Variants in AGAP1 observed in about 807,000 individuals in gnomAD.
AGAP1 encodes the protein ArfGAP with GTPase domain, ankyrin repeat and PH domain 1, also known as arf-GAP with GTPase, ANK repeat and PH domain-containing protein 1.
Under a neutral mutation model 105.3 loss-of-function variants are expected in AGAP1, and 29 were observed. The ratio of observed to expected loss-of-function variants is 0.28; its 90% confidence interval spans 0.21 to 0.38. The LOEUF (loss-of-function observed/expected upper bound fraction) is 0.38. Among genes scored for constraint, AGAP1 ranks in the 10% least tolerant of loss-of-function variants. AGAP1 has a pLI of 1.00. For missense variants in AGAP1, 998 were observed against 1,165.1 expected, an observed-to-expected ratio of 0.86 and a Z score of 2.09; for synonymous variants, 509 against 485.9, an observed-to-expected ratio of 1.05 and a Z score of -0.63.
At chr2:235,506,695 G>A (rs1865951) in intron 1 of AGAP1, among the ~76,000 whole-genome samples, 134,965 of 152,212 alleles carry the variant, frequency 0.89, 60,162 homozygotes, top group East Asian at 0.99. Flanking sequence ...AGCCGGGTCT[G>A]TATGGGCAGG....
rs1405840091 is a variant in AGAP1 at position 235,662,389 on chromosome 2, C to T, written c.164-46790C>T. Among the ~76,000 whole-genome samples the T allele has an allele frequency of 6.6e-6, 1 of 152,174 alleles. No homozygotes were observed. Among genetic ancestry groups the T allele is most frequent in the Non-Finnish European group, 1.5e-5 (1 of 68,036 alleles). On this transcript the variant is annotated intron_variant, in intron 1 of 17. Coordinates refer to ENST00000304032, the MANE Select transcript of AGAP1 (RefSeq NM_001037131.3). This position sits in a 1 kb window ranked among gnomAD's most constrained non-coding sequence, Gnocchi z 4.2. Reference sequence around the variant, plus strand: ...ACCAGGTCTCACCTTCAGCCACACTCCTAGGGACAGAGTGCGTCCATGGAG... The same window carrying T: ...ACCAGGTCTCACCTTCAGCCACACTTCTAGGGACAGAGTGCGTCCATGGAG...
rs1345926223 is a variant in AGAP1, at chr2:235,751,203, CCTGGGGATAGGAGGGT to C, written c.673+722_673+737del. Among the ~76,000 whole-genome samples the C allele has an allele frequency of 6.6e-6, 1 of 152,032 alleles. No individual in the cohort carries two copies. The highest frequency in any genetic ancestry group is 1.5e-5 in the Non-Finnish European group (1 of 68,002). On this transcript the variant is annotated intron_variant, in intron 6 of 17. Coordinates refer to ENST00000304032, the MANE Select transcript of AGAP1 (RefSeq NM_001037131.3). The surrounding 1 kb of genome is among the most constrained non-coding windows in gnomAD (Gnocchi z 5.3). Reference sequence around the variant, plus strand: ...GGGTGGGCGGGAGAGGTGGCGTCACCCTGGGGATAGGAGGGTCTGGGGTAAATAAGGACTGATACTT... The same window carrying C: ...GGGTGGGCGGGAGAGGTGGCGTCACCCTGGGGTAAATAAGGACTGATACTT...
Position 235,959,420 on chromosome 2 carries a change from C to T in AGAP1, c.1484-9042C>T, listed in dbSNP as rs2054087835. 6.6e-6 allele frequency among the ~76,000 whole-genome samples: 1 copy of T among 152,258 alleles called. No homozygotes were observed. The highest frequency in any genetic ancestry group is 1.5e-5 in the Non-Finnish European group (1 of 68,028). On this transcript the variant is annotated intron_variant, in intron 12 of 17. Coordinates refer to ENST00000304032, the MANE Select transcript of AGAP1 (RefSeq NM_001037131.3). This position sits in a 1 kb window ranked among gnomAD's most constrained non-coding sequence, Gnocchi z 7.3. ...TATTTTAAACCAGGGGAATGTTAAA[C>T]AACTCCTTGAAAGCGAGCTCTCGAC... is the stretch of plus-strand genomic sequence containing the variant.
At position 235,938,394 on chromosome 2, in the gene AGAP1, G is replaced by A. The variant is rs189978471; in HGVS notation, c.1483+7471G>A. On this transcript the variant is annotated intron_variant, in intron 12 of 17. Coordinates refer to ENST00000304032, the MANE Select transcript of AGAP1 (RefSeq NM_001037131.3). ...GACCGCCTCCAAGAACGCTGGGTGC[G>A]CAGCGTGTCCCCCTGCTGCGCGTAT... 7.0e-4 allele frequency among the ~76,000 whole-genome samples: 106 copies of A among 152,350 alleles called. No homozygotes were observed. In the Middle Eastern group the frequency reaches 0.014, roughly 20 times the overall value.
At position 236,096,004 on chromosome 2, in the gene AGAP1, T is replaced by C. The variant is rs761461237; in HGVS notation, c.2115-24188T>C. 2.6e-5 allele frequency among the ~76,000 whole-genome samples: 4 copies of C among 152,238 alleles called. No individual in the cohort carries two copies. The highest frequency in any genetic ancestry group is 4.8e-5 in the African/African-American group (2 of 41,480). On this transcript the variant is annotated intron_variant, in intron 16 of 17. Coordinates refer to ENST00000304032, the MANE Select transcript of AGAP1 (RefSeq NM_001037131.3). This position sits in a 1 kb window ranked among gnomAD's most constrained non-coding sequence, Gnocchi z 4.4. ...TTTCCCATTAAATTTCCCCAGCTTC[T>C]GTGCCATGCTTCTTTATTGTTTTGG...
At chr2:235,543,604 C>A (rs972438551) in intron 1 of AGAP1, among the ~76,000 whole-genome samples, 1 of 152,192 alleles carries the variant, frequency 6.6e-6, no homozygotes, top group South Asian at 2.1e-4. Context: ...CAGCCTGGAG[C>A]TGTGGCGCAG....
In AGAP1 at chr2:235,530,126, C is replaced by T. The variant is rs147930196; in HGVS notation, c.163+35277C>T. ...TCGTACCTCTGACAGTAAAACTCCC[C>T]GTAGGACTACAAGACGTGGGTCTTG... On this transcript the variant is annotated intron_variant, in intron 1 of 17. Transcript: ENST00000304032. Among the ~76,000 whole-genome samples the T allele has an allele frequency of 1.6e-4, 24 of 152,176 alleles. No individual in the cohort carries two copies. In the East Asian group the frequency reaches 3.1e-3, roughly 20 times the overall value.
In AGAP1 at chr2:235,901,120, C is replaced by T. The variant is rs2051043064; in HGVS notation, c.1156-7618C>T. ...TTTGGTCTGCACCTGTGACTACGTACAAGGCCATTGTTTATTATTCATAAA... is the reference window on the plus strand; with the variant it reads ...TTTGGTCTGCACCTGTGACTACGTATAAGGCCATTGTTTATTATTCATAAA... On this transcript the variant is annotated intron_variant, in intron 10 of 17. Coordinates refer to ENST00000304032, the MANE Select transcript of AGAP1 (RefSeq NM_001037131.3). The surrounding 1 kb of genome is among the most constrained non-coding windows in gnomAD (Gnocchi z 4.3). Among the ~76,000 whole-genome samples the T allele has an allele frequency of 6.6e-6, 1 of 152,310 alleles. No homozygotes were observed. The highest frequency in any genetic ancestry group is 2.1e-4 in the South Asian group (1 of 4,828).
chr2:235,936,074 C>T lies in AGAP1; in HGVS notation c.1483+5151C>T, dbSNP rs2052973946. ...CCTCGCTCCCCCAGCCCTGGACTGT[C>T]AGGTTCTTCTGATAGCTCCACCCCA... On this transcript the variant is annotated intron_variant, in intron 12 of 17. Coordinates refer to ENST00000304032, the MANE Select transcript of AGAP1 (RefSeq NM_001037131.3). The surrounding 1 kb of genome is among the most constrained non-coding windows in gnomAD (Gnocchi z 4.7). Among the ~76,000 whole-genome samples the T allele has an allele frequency of 6.6e-6, 1 of 152,226 alleles. No homozygotes were observed. Among genetic ancestry groups the T allele is most frequent in the African/African-American group, 2.4e-5 (1 of 41,462 alleles).
In AGAP1 at chr2:235,664,525, A is replaced by T. The variant is rs893515564; in HGVS notation, c.164-44654A>T. Among the ~76,000 whole-genome samples the T allele has an allele frequency of 1.3e-5, 2 of 152,158 alleles. No individual in the cohort carries two copies. Among genetic ancestry groups the T allele is most frequent in the African/African-American group, 4.8e-5 (2 of 41,440 alleles). On this transcript the variant is annotated intron_variant, in intron 1 of 17. Coordinates refer to ENST00000304032, the MANE Select transcript of AGAP1 (RefSeq NM_001037131.3). The surrounding 1 kb of genome is among the most constrained non-coding windows in gnomAD (Gnocchi z 5.7). ...GAGCCACCACACTTGGCCTGATTTAATATCTTAAGTCACCTTTGCCTGACA... is the reference window on the plus strand; with the variant it reads ...GAGCCACCACACTTGGCCTGATTTATTATCTTAAGTCACCTTTGCCTGACA...
intron 6 of AGAP1, among the ~76,000 whole-genome samples, chr2:235,765,267 C>CGTGGGG: frequency 1.4e-5 from 1 of 73,778 alleles, no homozygotes; most frequent in South Asian, 4.3e-4. Context: ...TGGGAGCGTC[C>CGTGGGG]GTGGGGGTGG....
chr2:236,086,860 AC>A (rs1046315292), intron 16 of AGAP1, among the ~76,000 whole-genome samples: 1 of 55,472 alleles, frequency 1.8e-5, no homozygotes, highest in East Asian at 6.4e-4. Context: ...CCCCTCCCCC[AC>A]CCCCCTGCCC....
In AGAP1 at chr2:236,049,227, G is replaced by A; in HGVS notation, c.2060G>A (p.Ser687Asn). The change falls in exon 16 of 18, where the codon AGC becomes AAC. Residue 687 changes from serine (S) to asparagine (N), a missense_variant. Around this residue, in one of 3 missense-constraint regions of AGAP1, gnomAD observed 235 missense variants for 270.7 expected, o/e 0.87. Coordinates refer to ENST00000304032, the MANE Select transcript of AGAP1 (RefSeq NM_001037131.3). ...TCCATCGGGAACGAGCTAGCCAACA[G>A]CGTCTGGGAAGAGAGCAGCCAGGGG... ...MSSIGNELAN[S>N]VWEESSQGRT... The A allele has an allele frequency of 5.6e-6, 9 of 1,614,234 alleles. No individual in the cohort carries two copies. Among genetic ancestry groups the A allele is most frequent in the Non-Finnish European group, 7.6e-6 (9 of 1,180,050 alleles).
intron 1 of AGAP1, among the ~76,000 whole-genome samples, chr2:235,677,692 G>T (rs150408784): frequency 6.6e-6 from 1 of 151,658 alleles, no homozygotes. Flanking sequence ...TGCTCTCTGT[G>T]CCTGTCATTG....
chr2:235,870,278 A>G (rs2049374500), intron 9 of AGAP1, among the ~76,000 whole-genome samples: 1 of 152,196 alleles, frequency 6.6e-6, no homozygotes, highest in Non-Finnish European at 1.5e-5. Flanking sequence ...CACGATACGC[A>G]GGGGACAAGT....
chr2:235,919,136 C>T lies in AGAP1; in HGVS notation c.1324+10230C>T, dbSNP rs534142828. ...TCAGCTGTGGGAAAGAGGAGGTGCCCGGAAGAGCCTCTGTGAATTACCCGC... is the reference window on the plus strand; with the variant it reads ...TCAGCTGTGGGAAAGAGGAGGTGCCTGGAAGAGCCTCTGTGAATTACCCGC... On this transcript the variant is annotated intron_variant, in intron 11 of 17. Transcript: ENST00000304032. This position sits in a 1 kb window ranked among gnomAD's most constrained non-coding sequence, Gnocchi z 4.1. Among the ~76,000 whole-genome samples, 46 of 152,138 alleles carry T rather than the reference C, an allele frequency of 3.0e-4. No homozygotes were observed. Among genetic ancestry groups the T allele is most frequent in the African/African-American group, 9.6e-4 (40 of 41,500 alleles).
In AGAP1 at chr2:235,936,028, C is replaced by T. The variant is rs556705932; in HGVS notation, c.1483+5105C>T. Among the ~76,000 whole-genome samples, 2 of 152,314 alleles carry T rather than the reference C, an allele frequency of 1.3e-5. No individual in the cohort carries two copies. The highest frequency in any genetic ancestry group is 4.1e-4 in the South Asian group (2 of 4,824). ...GGCCAGCCTCGTCGGGTGGTCTCAG[C>T]TAATGCTGTTGCCATGGCAGCCTCG... is the stretch of plus-strand genomic sequence containing the variant. On this transcript the variant is annotated intron_variant, in intron 12 of 17. Coordinates refer to ENST00000304032, the MANE Select transcript of AGAP1 (RefSeq NM_001037131.3). The surrounding 1 kb of genome is among the most constrained non-coding windows in gnomAD (Gnocchi z 4.7).
In AGAP1 at chr2:235,930,115, A is replaced by C. The variant is rs956232729; in HGVS notation, c.1325-650A>C. On this transcript the variant is annotated intron_variant, in intron 11 of 17. Transcript: ENST00000304032. This position sits in a 1 kb window ranked among gnomAD's most constrained non-coding sequence, Gnocchi z 7.9. Reference sequence around the variant, plus strand: ...ATTTTGATGTTGAGCAACTGATTCAAATCATTAAGTATACAATGGAATCAT... The same window carrying C: ...ATTTTGATGTTGAGCAACTGATTCACATCATTAAGTATACAATGGAATCAT... Among the ~76,000 whole-genome samples the C allele has an allele frequency of 2.6e-5, 4 of 152,186 alleles. No homozygotes were observed. The highest frequency in any genetic ancestry group is 9.6e-5 in the African/African-American group (4 of 41,452).
At position 236,042,321 on chromosome 2, in the gene AGAP1, A is replaced by T. The variant is rs2057574763; in HGVS notation, c.1891+1480A>T. 6.6e-6 allele frequency among the ~76,000 whole-genome samples: 1 copy of T among 152,216 alleles called. No homozygotes were observed. Among genetic ancestry groups the T allele is most frequent in the Admixed American group, 6.5e-5 (1 of 15,296 alleles). On this transcript the variant is annotated intron_variant, in intron 15 of 17. Transcript: ENST00000304032. This position sits in a 1 kb window ranked among gnomAD's most constrained non-coding sequence, Gnocchi z 5.6. ...CATAGCAGGCAGGGGAGAGATCAAA[A>T]GTCTGTCTGCGGCCTCTCTGGAAGC...
Sources: gnomAD v4.1 joint callset for allele counts (sites outside exome capture counted in the v4.1 genomes callset) on GRCh38, gnomAD v4.1.1 for gene constraint, gnomAD v4.1.1 regional missense constraint, Gnocchi (gnomAD v3.1) non-coding constraint, MANE v1.5 for transcripts, NCBI Gene and HGNC (gene_info 2026-07-23, HGNC 2026-07-21) for gene names.